Variants in CDK7 observed in about 807,000 individuals in gnomAD.
CDK7 encodes the protein cyclin dependent kinase 7.
In CDK7, 25 loss-of-function variants were observed where a neutral mutation model predicts 49.1. That is an observed-to-expected ratio of 0.51 (90% CI 0.37 to 0.71). CDK7 has a LOEUF of 0.71. CDK7 is among the 30% of genes least tolerant of loss of function. CDK7 has a pLI of 0.00. For synonymous variants in CDK7, 107 were observed against 140.0 expected (o/e 0.76, Z 1.67); for missense variants, 316 against 411.7 (o/e 0.77, Z 2.01).
At chr5:69,238,257 A>G (rs924682298) in intron 2 of CDK7, among the ~76,000 whole-genome samples, 4 of 151,116 alleles carry the variant, frequency 2.6e-5, no homozygotes, top group South Asian at 2.1e-4. Flanking sequence ...TCTCAAAACA[A>G]TATATAGTAT....
intron 2 of CDK7, among the ~76,000 whole-genome samples, chr5:69,245,467 A>G (rs1749691559): frequency 6.6e-6 from 1 of 151,438 alleles, no homozygotes; most frequent in Non-Finnish European, 1.5e-5. Flanking sequence ...CAGCCTCCCA[A>G]GTAGCTGGGA....
intron 9 of CDK7, among the ~76,000 whole-genome samples, chr5:69,271,717 T>G (rs12520485): frequency 0.29 from 43,368 of 151,710 alleles, 6,821 homozygotes; most frequent in East Asian, 0.42. Context: ...TCTGCATGTT[T>G]CCCAGGCTGG....
chr5:69,254,743 C>T (rs1580302823), intron 4 of CDK7, 74 bp downstream of exon 4: 2 of 818,366 alleles, frequency 2.4e-6, no homozygotes, highest in East Asian at 4.9e-5. Flanking sequence ...TGATTAAAGG[C>T]TCAGCAAGAT....
chr5:69,264,567 C>T (rs537659120), intron 8 of CDK7, among the ~76,000 whole-genome samples: 1 of 152,038 alleles, frequency 6.6e-6, no homozygotes, highest in Non-Finnish European at 1.5e-5. Flanking sequence ...ACAGATTGAT[C>T]CAGGATTCTA....
chr5:69,254,738 A>G, intron 4 of CDK7, 69 bp downstream of exon 4: 1 of 840,494 alleles, frequency 1.2e-6, no homozygotes, highest in Non-Finnish European at 2.1e-6. Context: ...GATGTTGATT[A>G]AAGGCTCAGC....
chr5:69,241,515 G>C (rs1323516472), intron 2 of CDK7, among the ~76,000 whole-genome samples: 1 of 151,772 alleles, frequency 6.6e-6, no homozygotes, highest in Admixed American at 6.6e-5. Context: ...TAGTAGAGAC[G>C]TGGTTTCACC....
At position 69,276,570 on chromosome 5, in the gene CDK7, C is replaced by T. The variant is rs751984356; in HGVS notation, c.892C>T (p.Arg298Trp). ...ACTGAAAATGAAGTATTTCAGTAAT[C>T]GGCCAGGGCCAACACCTGGATGTCA... is the stretch of plus-strand genomic sequence containing the variant. Reference protein sequence around the residue: ...QALKMKYFSNRPGPTPGCQLP... With the variant: ...QALKMKYFSNWPGPTPGCQLP... The change falls in exon 11 of 12, where the codon CGG (arginine) becomes TGG (tryptophan). Residue 298 changes from arginine (R) to tryptophan (W), a missense_variant. Arg to Trp is a moderately radical substitution (Grantham distance 101). Transcript: ENST00000256443. The T allele has an allele frequency of 3.1e-6, 5 of 1,613,250 alleles. No homozygotes were observed. The highest frequency in any genetic ancestry group is 2.2e-5 in the South Asian group (2 of 91,026).
chr5:69,240,427 C>T (rs1461677614), intron 2 of CDK7, among the ~76,000 whole-genome samples: 1 of 152,118 alleles, frequency 6.6e-6, no homozygotes, highest in Non-Finnish European at 1.5e-5. Context: ...GAGATGCTTA[C>T]TTAAGTACGT....
chr5:69,245,315 C>G (rs1749677542), intron 2 of CDK7, among the ~76,000 whole-genome samples: 1 of 112,604 alleles, frequency 8.9e-6, no homozygotes, highest in Non-Finnish European at 1.9e-5. Context: ...CCTTCCCCCT[C>G]CCCTTCCCCT....
At chr5:69,263,338 G>A (rs1385784357) in intron 8 of CDK7, among the ~76,000 whole-genome samples, 1 of 152,098 alleles carries the variant, frequency 6.6e-6, no homozygotes, top group Non-Finnish European at 1.5e-5. Flanking sequence ...AGATTGAATA[G>A]CTTTTTTATC....
At chr5:69,256,701 G>C (rs923432187) in intron 5 of CDK7, among the ~76,000 whole-genome samples, 1 of 151,940 alleles carries the variant, frequency 6.6e-6, no homozygotes, top group Non-Finnish European at 1.5e-5. Flanking sequence ...ATTGATTAGT[G>C]GTATCGATCA....
At chr5:69,264,732 A>T (rs180721948) in intron 8 of CDK7, among the ~76,000 whole-genome samples, 126 of 152,300 alleles carry the variant, frequency 8.3e-4, no homozygotes, top group African/African-American at 3.0e-3. Context: ...GCACTTTGGG[A>T]GGCCGAGGTG....
At chr5:69,261,520 G>GTA (rs1554065278) in intron 7 of CDK7, among the ~76,000 whole-genome samples, 2 of 144,096 alleles carry the variant, frequency 1.4e-5, no homozygotes, top group East Asian at 2.2e-4. Context: ...GTGTGTGTGT[G>GTA]TGTGTATGTG....
chr5:69,247,769 G>T (rs1326916936), intron 2 of CDK7, among the ~76,000 whole-genome samples: 1 of 151,504 alleles, frequency 6.6e-6, no homozygotes, highest in African/African-American at 2.4e-5. Flanking sequence ...TAGATTTGAG[G>T]TTACATGAGG....
intron 3 of CDK7, among the ~76,000 whole-genome samples, chr5:69,253,274 A>C (rs879333972): frequency 6.6e-6 from 1 of 151,736 alleles, no homozygotes; most frequent in Admixed American, 6.6e-5. Flanking sequence ...TATTTTGTTT[A>C]TTTTTTTTGA....
At position 69,273,035 on chromosome 5, in the gene CDK7, C is replaced by T; in HGVS notation, c.858C>T (p.Ala286=). The part of the protein sequence containing the change: ...FLFNPCARIT[A]TQALKMKYFS... ...TTAATCCATGTGCTCGAATTACGGC[C>T]ACACAGGTATTTTGGTGTATCTTTT... Residue 286 remains alanine (A), a synonymous_variant, in exon 10 of 12, where the codon GCC becomes GCT. Coordinates refer to ENST00000256443, the MANE Select transcript of CDK7 (RefSeq NM_001799.4). 6.5e-7 allele frequency: 1 copy of T among 1,532,082 alleles called. No homozygotes were observed. Among genetic ancestry groups the T allele is most frequent in the South Asian group, 1.3e-5 (1 of 74,486 alleles). 94.9% of individuals were successfully genotyped at this position (1,532,082 alleles called of 1,614,324 possible).
chr5:69,235,583 A>G (rs1748915514), intron 2 of CDK7, 130 bp downstream of exon 2: 1 of 695,966 alleles, frequency 1.4e-6, no homozygotes, highest in Non-Finnish European at 2.5e-6. Context: ...CAGAGACAAA[A>G]TAATTAATTA....
Position 69,262,406 on chromosome 5 carries a change from C to T in CDK7, c.627+102C>T, listed in dbSNP as rs554489775. Reference sequence around the variant, plus strand: ...GTCCTAGGCCAGGCATGGTGGCTCACGCCTGTAATCCCAGCACTTTGGGAG... The same window carrying T: ...GTCCTAGGCCAGGCATGGTGGCTCATGCCTGTAATCCCAGCACTTTGGGAG... On this transcript the variant is annotated intron_variant, in intron 8 of 11. Coordinates refer to ENST00000256443, the MANE Select transcript of CDK7 (RefSeq NM_001799.4). 90 of 1,476,662 alleles carry T rather than the reference C, an allele frequency of 6.1e-5. No individual in the cohort carries two copies. The South Asian group carries it at 8.9e-4, about 15-fold the overall frequency. 91.5% of individuals were successfully genotyped at this position (1,476,662 alleles called of 1,614,324 possible). A position where few individuals can be genotyped will look rare whatever the true frequency, so the allele number is the denominator to read the frequency against.
At chr5:69,245,009 A>G (rs1261512994) in intron 2 of CDK7, among the ~76,000 whole-genome samples, 1 of 152,212 alleles carries the variant, frequency 6.6e-6, no homozygotes, top group Non-Finnish European at 1.5e-5. Context: ...ATGTTGAACC[A>G]TCCTTGCATC....
Sources: allele counts gnomAD v4.1 joint callset (sites outside exome capture counted in the v4.1 genomes callset), GRCh38; gene constraint gnomAD v4.1.1; transcripts MANE v1.5; gene names NCBI Gene and HGNC (gene_info 2026-07-23, HGNC 2026-07-21).